CEP68: variants seen among roughly 807,000 people sequenced by gnomAD.
CEP68 encodes the protein centrosomal protein 68, also known as centrosomal protein of 68 kDa.
A neutral mutation model predicts 55.3 loss-of-function variants in CEP68; 26 were observed. The ratio of observed to expected loss-of-function variants is 0.47; its 90% CI spans 0.34 to 0.65. The LOEUF is 0.65. Ranked by LOEUF, CEP68 falls within the 30% of genes least tolerant of loss-of-function variation. The pLI, the probability that CEP68 is intolerant of heterozygous loss-of-function variation, is 0.01. For missense variants in CEP68, 957 were observed against 946.7 expected, an observed-to-expected ratio of 1.01 and a Z score of -0.14; for synonymous variants, 402 against 383.2, an observed-to-expected ratio of 1.05 and a Z score of -0.57.
intron 2 of CEP68, among the ~76,000 whole-genome samples, chr2:65,070,203 T>C (rs1676395336): frequency 6.6e-6 from 1 of 152,156 alleles, no homozygotes. Flanking sequence ...CTGGGGGCTC[T>C]GAACCTAAAT....
intron 1 of CEP68, among the ~76,000 whole-genome samples, chr2:65,061,545 C>T (rs1012248719): frequency 6.6e-6 from 1 of 152,264 alleles, no homozygotes; most frequent in African/African-American, 2.4e-5. Flanking sequence ...GTCTTTTCTT[C>T]ATTTTCACTT....
intron 5 of CEP68, among the ~76,000 whole-genome samples, chr2:65,079,025 C>G (rs527771396): frequency 3.3e-5 from 5 of 152,290 alleles, no homozygotes; most frequent in African/African-American, 9.6e-5. Context: ...AGGGTAAAGC[C>G]TTGAACTGAT....
chr2:65,057,824 A>T (rs1340431089), intron 1 of CEP68, among the ~76,000 whole-genome samples: 1 of 149,758 alleles, frequency 6.7e-6, no homozygotes, highest in African/African-American at 2.4e-5. Flanking sequence ...ACTCTGATTA[A>T]TTTTTTTTTT....
rs370946123 is a variant in CEP68 at position 65,071,906 on chromosome 2, G to T, written c.810G>T (p.Gln270His). Reference sequence around the variant, plus strand: ...TAGGCAGGAGACGCCTCTCCTTCCAGGCTGAGTACTGGGCCTGTGTGCTGC... The same window carrying T: ...TAGGCAGGAGACGCCTCTCCTTCCATGCTGAGTACTGGGCCTGTGTGCTGC... Reference protein sequence around the residue: ...SGLGRRRLSFQAEYWACVLPD... With the variant: ...SGLGRRRLSFHAEYWACVLPD... The change falls in exon 3 of 7, where the codon CAG becomes CAT. Residue 270 changes from glutamine to histidine, a missense_variant. Physicochemically the swap from Gln to His is conservative, Grantham distance 24. Transcript: ENST00000377990. 1.9e-6 allele frequency: 3 copies of T among 1,613,006 alleles called. No homozygotes were observed. The African/African-American group carries it at 4.0e-5, about 22-fold the overall frequency.
chr2:65,074,232 A>G, intron 3 of CEP68, 50 bp from the exon 4 acceptor site: 1 of 1,603,822 alleles, frequency 6.2e-7, no homozygotes, highest in Non-Finnish European at 8.5e-7. Context: ...TGATAACATA[A>G]ATAGCTGTTC....
chr2:65,082,868 A>G (rs973459781), intron 6 of CEP68, among the ~76,000 whole-genome samples, 159 bp downstream of exon 6: 1 of 152,232 alleles, frequency 6.6e-6, no homozygotes, highest in African/African-American at 2.4e-5. Flanking sequence ...TGGTCTTCCT[A>G]TGATGATGAA....
chr2:65,072,213 C>T lies in CEP68; in HGVS notation c.1117C>T (p.Pro373Ser), dbSNP rs771637379. 2 of 1,614,136 alleles carry T rather than the reference C, an allele frequency of 1.2e-6. No homozygotes were observed. Among genetic ancestry groups the T allele is most frequent in the East Asian group, 4.5e-5 (2 of 44,866 alleles). ...CCTGCCATTTTCTGGGCCCAGAGAG[C>T]CAAGCCTTAAGCAGTGGCCCTCCAG... Reference protein sequence around the residue: ...TALPFSGPREPSLKQWPSRVP... With the variant: ...TALPFSGPRESSLKQWPSRVP... The change falls in exon 3 of 7, where the codon CCA (proline) becomes TCA (serine). Residue 373 changes from proline (P) to serine (S), a missense_variant. Coordinates refer to ENST00000377990, the MANE Select transcript of CEP68 (RefSeq NM_015147.3).
Position 65,072,295 on chromosome 2 carries a change from C to T in CEP68, c.1199C>T (p.Thr400Ile). The T allele has an allele frequency of 8.7e-6, 14 of 1,614,046 alleles. No homozygotes were observed. The highest frequency in any genetic ancestry group is 1.1e-5 in the Non-Finnish European group (13 of 1,180,008). ...GCATCTTGGAGCCAACTTGCATCTACCCCCAGAGCCCCAGGCAGTAGGGAT... is the reference window on the plus strand; with the variant it reads ...GCATCTTGGAGCCAACTTGCATCTATCCCCAGAGCCCCAGGCAGTAGGGAT... Reference protein sequence around the residue: ...GLASWSQLASTPRAPGSRDAR... With the variant: ...GLASWSQLASIPRAPGSRDAR... The change falls in exon 3 of 7, where the codon ACC (threonine) becomes ATC (isoleucine). Residue 400 changes from threonine to isoleucine, a missense_variant. Thr to Ile is a moderately conservative substitution (Grantham distance 89, BLOSUM62 -1). Coordinates refer to ENST00000377990, the MANE Select transcript of CEP68 (RefSeq NM_015147.3).
rs575672412 is a variant in CEP68, at chr2:65,085,779, C to T, written c.*2145C>T. The T allele has an allele frequency of 6.6e-6, 1 of 152,270 alleles. No homozygotes were observed. Among genetic ancestry groups the T allele is most frequent in the African/African-American group, 2.4e-5 (1 of 41,538 alleles). The allele number at this position is 152,270 out of a possible 1,614,324, so 9.4% of individuals were successfully genotyped here. A position where few individuals can be genotyped will look rare whatever the true frequency, so the allele number is the denominator to read the frequency against. ...TGAGCTGAGATGGCACCACTGCACT[C>T]CAGCCTGGGCAACAGAGTGAGACTC... is the stretch of plus-strand genomic sequence containing the variant. On this transcript the variant is annotated 3_prime_UTR_variant, in exon 7 of 7. Coordinates refer to ENST00000377990, the MANE Select transcript of CEP68 (RefSeq NM_015147.3).
rs757450495 is a variant in CEP68 at position 65,077,962 on chromosome 2, C to G, written c.2102C>G (p.Pro701Arg). Residue 701 changes from proline (P) to arginine (R), a missense_variant and splice_region_variant, in exon 5 of 7, where the codon CCA (proline) becomes CGA (arginine). Coordinates refer to ENST00000377990, the MANE Select transcript of CEP68 (RefSeq NM_015147.3). ...ILLQCLLENT[P>R]VLEDVLGRIA... ...CTTCAGTGCCTGTTGGAGAACACCC[C>G]AGGTGAGATGCTTAAGGTTTTGGAT... 6.2e-7 allele frequency: 1 copy of G among 1,611,724 alleles called. No individual in the cohort carries two copies. Among genetic ancestry groups the G allele is most frequent in the Admixed American group, 1.7e-5 (1 of 59,910 alleles).
Position 65,072,269 on chromosome 2 carries a change from G to T in CEP68, c.1173G>T (p.Leu391Phe), listed in dbSNP as rs1375508596. 13 of 1,614,084 alleles carry T rather than the reference G, an allele frequency of 8.1e-6. No homozygotes were observed. The highest frequency in any genetic ancestry group is 1.0e-5 in the Non-Finnish European group (12 of 1,180,002). The change falls in exon 3 of 7, where the codon TTG (leucine) becomes TTT (phenylalanine). Residue 391 changes from leucine to phenylalanine, a missense_variant. Coordinates refer to ENST00000377990, the MANE Select transcript of CEP68 (RefSeq NM_015147.3). ...CCCAGAAACAGGGTGGCATGGGCTTGGCATCTTGGAGCCAACTTGCATCTA... is the reference window on the plus strand; with the variant it reads ...CCCAGAAACAGGGTGGCATGGGCTTTGCATCTTGGAGCCAACTTGCATCTA... ...RVPQKQGGMG[L>F]ASWSQLASTP...
chr2:65,078,102 C>CCAT (rs1332351220), intron 5 of CEP68, 138 bp downstream of exon 5: 1 of 591,612 alleles, frequency 1.7e-6, no homozygotes, highest in Non-Finnish European at 3.0e-6. Flanking sequence ...GCCCCATGCC[C>CCAT]CATCTGCCAG....
rs1669031432 is a variant in CEP68, at chr2:65,086,495, C to T, written c.*2861C>T. On this transcript the variant is annotated 3_prime_UTR_variant, in exon 7 of 7. Coordinates refer to ENST00000377990, the MANE Select transcript of CEP68 (RefSeq NM_015147.3). ...GCTGAAATTTGTTGTAAATCCCAAT[C>T]TTTACTGCCATGGGGAAAAGAACGC... 1 of 152,196 alleles carries T rather than the reference C, an allele frequency of 6.6e-6. No individual in the cohort carries two copies. The highest frequency in any genetic ancestry group is 1.5e-5 in the Non-Finnish European group (1 of 68,028). The allele number at this position is 152,196 out of a possible 1,614,324, so 9.4% of individuals were successfully genotyped here.
chr2:65,072,959 A>G lies in CEP68; in HGVS notation c.1863A>G (p.Glu621=), dbSNP rs1287835030. 2 of 1,614,242 alleles carry G rather than the reference A, an allele frequency of 1.2e-6. No homozygotes were observed. Among genetic ancestry groups the G allele is most frequent in the Non-Finnish European group, 1.7e-6 (2 of 1,180,034 alleles). ...GGAAAGGAGGAGAACAGGGAAAAGA[A>G]TCACTGGTGCAATGTGTGAAGGTAA... is the stretch of plus-strand genomic sequence containing the variant. ...LPRKGGEQGK[E]SLVQCVKTFC... The change falls in exon 3 of 7, where the codon GAA becomes GAG. Residue 621 remains glutamate (E), a synonymous_variant. Coordinates refer to ENST00000377990, the MANE Select transcript of CEP68 (RefSeq NM_015147.3).
intron 6 of CEP68, 104 bp downstream of exon 6, chr2:65,082,813 G>T: frequency 2.1e-6 from 2 of 963,742 alleles, no homozygotes; most frequent in South Asian, 3.9e-5. Context: ...TTAAACAAAT[G>T]AGATACTGGA....
At chr2:65,056,866 G>C (rs1363708691) in intron 1 of CEP68, among the ~76,000 whole-genome samples, 1 of 152,190 alleles carries the variant, frequency 6.6e-6, no homozygotes, top group Non-Finnish European at 1.5e-5. Context: ...TGGCGGCCGA[G>C]CAGCTGCGCC....
chr2:65,071,326 A>C (rs1016243645), intron 2 of CEP68, 128 bp from the exon 3 acceptor site: 11 of 739,420 alleles, frequency 1.5e-5, no homozygotes, highest in Non-Finnish European at 2.4e-5. Context: ...CTCAGGCAGC[A>C]GACTTTGCAT....
chr2:65,061,875 T>C (rs1675928933), intron 1 of CEP68, among the ~76,000 whole-genome samples: 1 of 152,268 alleles, frequency 6.6e-6, no homozygotes, highest in South Asian at 2.1e-4. Flanking sequence ...TTTAAGCTCC[T>C]TTATTCCATA....
intron 4 of CEP68, among the ~76,000 whole-genome samples, chr2:65,077,112 C>T (rs964714367): frequency 1.3e-5 from 2 of 151,440 alleles, no homozygotes; most frequent in African/African-American, 4.9e-5. Flanking sequence ...TCTCCTGCCT[C>T]ACCCTCCCGA....
Sources: gnomAD v4.1 joint callset for allele counts (sites outside exome capture counted in the v4.1 genomes callset) on GRCh38, gnomAD v4.1.1 for gene constraint, MANE v1.5 for transcripts, NCBI Gene and HGNC (gene_info 2026-07-23, HGNC 2026-07-21) for gene names.